The following SYT1 variants were observed in gnomAD, a reference collection of about 807,000 sequenced individuals.
The protein encoded by SYT1 is synaptotagmin 1.
Under a neutral mutation model 44.8 loss-of-function variants are expected in SYT1, and 8 were observed. The observed-to-expected ratio is 0.18, with a 90% confidence interval of 0.10 to 0.32. The LOEUF (loss-of-function observed/expected upper bound fraction) is 0.32, where lower values mean the gene tolerates loss of function less well. Ranked by LOEUF, SYT1 falls within the 10% of genes least tolerant of loss-of-function variation. The pLI, the probability that SYT1 is intolerant of heterozygous loss-of-function variation, is 1.00. For missense variants in SYT1, 286 were observed against 509.3 expected (o/e 0.56, Z 4.22); for synonymous variants, 154 against 188.8 (o/e 0.82, Z 1.51).
chr12:79,387,477 ACACATATGGCCC>A (rs1884481454), intron 9 of SYT1, among the ~76,000 whole-genome samples: 1 of 152,208 alleles, frequency 6.6e-6, no homozygotes, highest in African/African-American at 2.4e-5. Context: ...AAGCTATTTG[ACACATATGGCCC>A]CTTTTATGTT....
chr12:79,449,277 TTAAATG>T lies in SYT1; in HGVS notation c.*156_*161del. On this transcript the variant is annotated 3_prime_UTR_variant, in exon 11 of 11. Coordinates refer to ENST00000261205, the MANE Select transcript of SYT1 (RefSeq NM_005639.3). ...GAATCCTGTTTTAATTTGCACAAAT[TTAAATG>T]TAGAGAGCCCCTAAGTCCTTCATCA... 1 of 822,782 alleles carries T rather than the reference TTAAATG, an allele frequency of 1.2e-6. No individual in the cohort carries two copies. The highest frequency in any genetic ancestry group is 3.8e-4 in the Middle Eastern group (1 of 2,658). 51.0% of individuals were successfully genotyped at this position (822,782 alleles called of 1,614,324 possible).
intron 2 of SYT1, among the ~76,000 whole-genome samples, chr12:78,980,569 T>G (rs3849227): frequency 6.6e-6 from 1 of 151,894 alleles, no homozygotes; most frequent in Non-Finnish European, 1.5e-5. Context: ...AGTTTCATTA[T>G]GAAGTTAAAT....
At chr12:79,177,035 CTT>C (rs5799413) in intron 3 of SYT1, among the ~76,000 whole-genome samples, 16 of 141,494 alleles carry the variant, frequency 1.1e-4, no homozygotes, top group African/African-American at 4.1e-4. Flanking sequence ...AAGCATATTT[CTT>C]TTTTTTTTTA....
chr12:78,945,351 A>G (rs1402926043), intron 1 of SYT1, among the ~76,000 whole-genome samples: 2 of 151,862 alleles, frequency 1.3e-5, no homozygotes, highest in African/African-American at 4.8e-5. Flanking sequence ...CTTTGTAGGA[A>G]CTTATAAAGC....
At chr12:79,117,716 A>AAATATATATATAT (rs1879379732) in intron 3 of SYT1, among the ~76,000 whole-genome samples, 6 of 92,650 alleles carry the variant, frequency 6.5e-5, no homozygotes, top group Admixed American at 2.2e-4. Context: ...TATATATATA[A>AAATATATATATAT]AATAAATAGG....
chr12:79,437,938 G>A (rs545031291), intron 9 of SYT1, among the ~76,000 whole-genome samples: 37 of 152,284 alleles, frequency 2.4e-4, no homozygotes, highest in African/African-American at 8.7e-4. Flanking sequence ...AGGGATGGGA[G>A]AGAATAAAGG....
At chr12:78,981,871 T>C (rs1869289465) in intron 2 of SYT1, among the ~76,000 whole-genome samples, 1 of 152,208 alleles carries the variant, frequency 6.6e-6, no homozygotes, top group Admixed American at 6.5e-5. Flanking sequence ...TATTTTACCA[T>C]TTCTCATTTA....
intron 4 of SYT1, among the ~76,000 whole-genome samples, chr12:79,281,404 C>T (rs1478041351): frequency 6.6e-6 from 1 of 152,058 alleles, no homozygotes; most frequent in Non-Finnish European, 1.5e-5. Context: ...GAATTGGAGG[C>T]TATTATCCTA....
At chr12:79,231,094 A>G (rs1445223310) in intron 4 of SYT1, among the ~76,000 whole-genome samples, 3 of 152,166 alleles carry the variant, frequency 2.0e-5, no homozygotes, top group Non-Finnish European at 4.4e-5. Context: ...GACTATGTAG[A>G]TCTCTTATTG....
chr12:78,955,812 G>T (rs1879182978), intron 1 of SYT1, among the ~76,000 whole-genome samples: 1 of 151,044 alleles, frequency 6.6e-6, no homozygotes, highest in Non-Finnish European at 1.5e-5. Context: ...GTGTGTGTGT[G>T]TGTGTGTGTG....
chr12:79,227,960 T>C (rs1247624984), intron 4 of SYT1, among the ~76,000 whole-genome samples: 2 of 152,080 alleles, frequency 1.3e-5, no homozygotes, highest in Non-Finnish European at 1.5e-5. Context: ...TTGCATTCTT[T>C]AATCCCATTC....
intron 3 of SYT1, among the ~76,000 whole-genome samples, chr12:79,122,320 C>T (rs1868283473): frequency 6.6e-6 from 1 of 151,170 alleles, no homozygotes; most frequent in Non-Finnish European, 1.5e-5. Context: ...CGAGACCATC[C>T]TGGCTAACAC....
At chr12:79,050,252 G>C (rs868761936) in intron 3 of SYT1, among the ~76,000 whole-genome samples, 15 of 152,032 alleles carry the variant, frequency 9.9e-5, no homozygotes, top group African/African-American at 3.1e-4. Flanking sequence ...TATTCATTAA[G>C]TGGAAGTGGA....
In SYT1 at chr12:79,291,810, G is replaced by A. The variant is rs571911329; in HGVS notation, c.352-198G>A. Reference sequence around the variant, plus strand: ...TTCCATCGCTTCCATTTTGCTTGCTGATTGGGGAAAGAAATTCCGTGCACA... The same window carrying A: ...TTCCATCGCTTCCATTTTGCTTGCTAATTGGGGAAAGAAATTCCGTGCACA... On this transcript the variant is annotated intron_variant, in intron 5 of 10. Coordinates refer to ENST00000261205, the MANE Select transcript of SYT1 (RefSeq NM_005639.3). 36 of 726,226 alleles carry A rather than the reference G, an allele frequency of 5.0e-5. No homozygotes were observed. In the African/African-American group the frequency reaches 6.1e-4, roughly 12 times the overall value. The allele number at this position is 726,226 out of a possible 1,614,324, so 45.0% of individuals were successfully genotyped here. A position where few individuals can be genotyped will look rare whatever the true frequency, so the allele number is the denominator to read the frequency against.
At chr12:79,178,736 C>T (rs2138384689) in intron 3 of SYT1, among the ~76,000 whole-genome samples, 1 of 151,446 alleles carries the variant, frequency 6.6e-6, no homozygotes, top group South Asian at 2.1e-4. Flanking sequence ...GTTTATATCA[C>T]ATCTCCCACT....
chr12:79,365,117 C>T (rs1214390255), intron 9 of SYT1, among the ~76,000 whole-genome samples: 1 of 152,020 alleles, frequency 6.6e-6, no homozygotes, highest in Admixed American at 6.5e-5. Flanking sequence ...TTAATTGACT[C>T]AAGGAAATAA....
rs1222004238 is a variant in SYT1 at position 79,062,806 on chromosome 12, T to C, written c.-18+15444T>C. 2.0e-5 allele frequency among the ~76,000 whole-genome samples: 3 copies of C among 152,184 alleles called. No homozygotes were observed. The East Asian group carries it at 5.8e-4, about 29-fold the overall frequency. On this transcript the variant is annotated intron_variant, in intron 3 of 10. Transcript: ENST00000261205. ...TAGAAATGTTCTTTTATAATCATAATAAAAATAACTACCATTTATCGAATG... is the reference window on the plus strand; with the variant it reads ...TAGAAATGTTCTTTTATAATCATAACAAAAATAACTACCATTTATCGAATG...
intron 4 of SYT1, among the ~76,000 whole-genome samples, chr12:79,252,540 T>C (rs752859326): frequency 1.3e-5 from 2 of 152,144 alleles, no homozygotes; most frequent in Non-Finnish European, 2.9e-5. Flanking sequence ...AGTGATATGC[T>C]TCACTTCTGG....
chr12:79,301,074 T>A (rs960150367), intron 8 of SYT1, among the ~76,000 whole-genome samples: 1 of 151,970 alleles, frequency 6.6e-6, no homozygotes, highest in African/African-American at 2.4e-5. Flanking sequence ...TTCATTGACT[T>A]TTTTGTTGAA....
Sources: allele counts gnomAD v4.1 joint callset (sites outside exome capture counted in the v4.1 genomes callset), GRCh38; gene constraint gnomAD v4.1.1; transcripts MANE v1.5; gene names NCBI Gene and HGNC (gene_info 2026-07-23, HGNC 2026-07-21).